NAV2: variants seen among roughly 807,000 people sequenced by gnomAD.
The protein encoded by NAV2 is helicase, APC down-regulated 1.
In NAV2, 54 loss-of-function variants were observed where a neutral mutation model predicts 223.2. That is an observed-to-expected ratio of 0.24 (90% CI 0.19 to 0.30). The LOEUF is 0.30. Ranked by LOEUF, NAV2 falls within the 10% of genes least tolerant of loss-of-function variation. The pLI, the probability that NAV2 is intolerant of heterozygous loss-of-function variation, is 1.00. For missense variants in NAV2, 2,806 were observed against 3,147.5 expected, an observed-to-expected ratio of 0.89 and a Z score of 2.60; for synonymous variants, 1,279 against 1,239.3, an observed-to-expected ratio of 1.03 and a Z score of -0.67.
intron 1 of NAV2, among the ~76,000 whole-genome samples, chr11:19,431,016 T>A (rs1306502096): frequency 6.6e-6 from 1 of 152,358 alleles, no homozygotes; most frequent in Non-Finnish European, 1.5e-5. Flanking sequence ...ACTCCCTTCA[T>A]GGCCTGCTAA....
intron 1 of NAV2, among the ~76,000 whole-genome samples, chr11:19,494,800 G>A (rs1196096807): frequency 6.6e-6 from 1 of 152,222 alleles, no homozygotes; most frequent in Non-Finnish European, 1.5e-5. Flanking sequence ...GCTGCTGAGT[G>A]TAGAATGAGA....
At chr11:19,661,977 A>G (rs1345070432) in intron 1 of NAV2, among the ~76,000 whole-genome samples, 7 of 152,152 alleles carry the variant, frequency 4.6e-5, no homozygotes, top group African/African-American at 1.7e-4. Flanking sequence ...CACCCCAATC[A>G]ATTGCTACTG....
chr11:19,647,948 C>CA (rs998837002), intron 1 of NAV2, among the ~76,000 whole-genome samples: 14 of 152,106 alleles, frequency 9.2e-5, no homozygotes, highest in African/African-American at 2.9e-4. Flanking sequence ...TCTTATTTTA[C>CA]AAAAAAATGA....
intron 25 of NAV2, among the ~76,000 whole-genome samples, chr11:20,081,116 G>A (rs1176335746): frequency 1.3e-5 from 2 of 152,142 alleles, no homozygotes; most frequent in African/African-American, 4.8e-5. Context: ...TGGATGGGTG[G>A]CGAGGTCTAG....
chr11:19,464,622 G>A lies in NAV2; in HGVS notation c.75+113595G>A, dbSNP rs1852284701. ...ATCTATAATATTCCTTGTTTAGACA[G>A]TGGTTGCCCAGGAGATGTGGTTCAT... On this transcript the variant is annotated intron_variant, in intron 1 of 37. Transcript: ENST00000360655. Among the ~76,000 whole-genome samples, 3 of 152,230 alleles carry A rather than the reference G, an allele frequency of 2.0e-5. No homozygotes were observed. The South Asian group carries it at 6.2e-4, about 32-fold the overall frequency.
At chr11:19,596,271 A>C (rs1483730891) in intron 1 of NAV2, among the ~76,000 whole-genome samples, 1 of 152,198 alleles carries the variant, frequency 6.6e-6, no homozygotes, top group Non-Finnish European at 1.5e-5. Flanking sequence ...CTAGGCTTGC[A>C]TACAGAGGCC....
chr11:19,655,258 A>G (rs1161646597), intron 1 of NAV2, among the ~76,000 whole-genome samples: 4 of 152,206 alleles, frequency 2.6e-5, no homozygotes, highest in Non-Finnish European at 5.9e-5. Flanking sequence ...GCTAGAGAGG[A>G]TGTGAAGAAA....
intron 1 of NAV2, among the ~76,000 whole-genome samples, chr11:19,597,488 C>T (rs1004781080): frequency 1.8e-4 from 27 of 152,334 alleles, no homozygotes; most frequent in Non-Finnish European, 3.4e-4. Context: ...TGACTAATAT[C>T]TCTTGGAGGG....
chr11:20,030,402 A>G (rs1292880750), intron 11 of NAV2, among the ~76,000 whole-genome samples: 2 of 152,210 alleles, frequency 1.3e-5, no homozygotes, highest in Non-Finnish European at 2.9e-5. Flanking sequence ...CTAGGATTTA[A>G]TATTTAATCG....
chr11:19,664,657 A>AG (rs938544702), intron 1 of NAV2, among the ~76,000 whole-genome samples: 98 of 152,314 alleles, frequency 6.4e-4, no homozygotes, highest in African/African-American at 2.1e-3. Context: ...ATCTCAGTAG[A>AG]AACTGAGAGT....
At chr11:20,111,062 C>T (rs374858559) in intron 36 of NAV2, among the ~76,000 whole-genome samples, 4 of 152,176 alleles carry the variant, frequency 2.6e-5, no homozygotes, top group Admixed American at 1.3e-4. Flanking sequence ...CATGATATCG[C>T]CCTCTAGTGA....
chr11:19,499,557 G>A (rs910751708), intron 1 of NAV2, among the ~76,000 whole-genome samples: 3 of 152,196 alleles, frequency 2.0e-5, no homozygotes, highest in African/African-American at 7.2e-5. Context: ...GAATGAATCT[G>A]GGGTTTGGAA....
chr11:20,022,156 C>T (rs538272560), intron 11 of NAV2, among the ~76,000 whole-genome samples: 54 of 152,196 alleles, frequency 3.5e-4, no homozygotes, highest in African/African-American at 1.2e-3. Flanking sequence ...CTTAATCCTT[C>T]GTTTTCAAAT....
At chr11:19,532,000 G>A (rs982165970) in intron 1 of NAV2, among the ~76,000 whole-genome samples, 8 of 152,094 alleles carry the variant, frequency 5.3e-5, no homozygotes, top group Non-Finnish European at 1.0e-4. Flanking sequence ...AGTGATAGAG[G>A]ATAAAGAGAA....
At chr11:19,497,512 A>G (rs898403247) in intron 1 of NAV2, among the ~76,000 whole-genome samples, 4 of 152,070 alleles carry the variant, frequency 2.6e-5, no homozygotes, top group African/African-American at 7.2e-5. Context: ...TGTGTTTGCT[A>G]TTCCTTGGCT....
chr11:20,097,751 T>C lies in NAV2; in HGVS notation c.6181+6T>C. On this transcript the variant is annotated splice_donor_region_variant and intron_variant, in intron 31 of 37. Transcript: ENST00000349880. Reference sequence around the variant, plus strand: ...CATCTCAGTGACTGTGAAAGGTAATTGAGCTTGTTGCAGAAGTCGGAGCTT... The same window carrying C: ...CATCTCAGTGACTGTGAAAGGTAATCGAGCTTGTTGCAGAAGTCGGAGCTT... 6.4e-7 allele frequency: 1 copy of C among 1,574,356 alleles called. No homozygotes were observed. Among genetic ancestry groups the C allele is most frequent in the Non-Finnish European group, 8.6e-7 (1 of 1,161,082 alleles).
intron 11 of NAV2, among the ~76,000 whole-genome samples, chr11:20,026,974 A>G (rs2055148881): frequency 6.6e-6 from 1 of 152,212 alleles, no homozygotes; most frequent in African/African-American, 2.4e-5. Context: ...GATTAACTGA[A>G]ATAATGTATG....
intron 11 of NAV2, among the ~76,000 whole-genome samples, chr11:19,992,583 CTTTTT>C (rs780559920): frequency 1.9e-5 from 2 of 103,580 alleles, no homozygotes; most frequent in African/African-American, 7.3e-5. Context: ...TCCTGAAGTA[CTTTTT>C]TTTTTTTTTT....
intron 3 of NAV2, among the ~76,000 whole-genome samples, chr11:19,848,261 T>C (rs953998402): frequency 2.6e-5 from 4 of 152,138 alleles, no homozygotes; most frequent in African/African-American, 7.2e-5. Context: ...TTTTCCCAAA[T>C]AAAAGCTGTG....
Sources: gnomAD v4.1 joint callset for allele counts (sites outside exome capture counted in the v4.1 genomes callset) on GRCh38, gnomAD v4.1.1 for gene constraint, MANE v1.5 for transcripts, NCBI Gene and HGNC (gene_info 2026-07-23, HGNC 2026-07-21) for gene names.